Variants in SIK2 observed in about 807,000 individuals in gnomAD.
SIK2 encodes serine/threonine-protein kinase SIK2.
Under a neutral mutation model 103.2 loss-of-function variants are expected in SIK2, and 29 were observed. The ratio of observed to expected loss-of-function variants is 0.28; its 90% CI spans 0.21 to 0.38. The LOEUF (loss-of-function observed/expected upper bound fraction) is 0.38. SIK2 is among the 10% of genes least tolerant of loss of function. The pLI, the probability that SIK2 is intolerant of heterozygous loss-of-function variation, is 1.00. For synonymous variants in SIK2, 412 were observed against 446.1 expected, an observed-to-expected ratio of 0.92 and a Z score of 0.96; for missense variants, 879 against 1,171.0, an observed-to-expected ratio of 0.75 and a Z score of 3.64.
chr11:111,713,659 T>C (rs1417621724), intron 9 of SIK2, among the ~76,000 whole-genome samples: 1 of 152,162 alleles, frequency 6.6e-6, no homozygotes, highest in Non-Finnish European at 1.5e-5. Context: ...CGCCAGGTGC[T>C]GAATAAATTG....
At chr11:111,618,291 CT>C (rs1357092563) in intron 2 of SIK2, among the ~76,000 whole-genome samples, 2 of 152,136 alleles carry the variant, frequency 1.3e-5, no homozygotes, top group Non-Finnish European at 2.9e-5. Context: ...TGAAGCTTCA[CT>C]GTGTGGCCCG....
At chr11:111,703,621 G>A (rs1943269525) in intron 7 of SIK2, among the ~76,000 whole-genome samples, 198 bp downstream of exon 7, 3 of 152,160 alleles carry the variant, frequency 2.0e-5, no homozygotes, top group Admixed American at 2.0e-4. Flanking sequence ...GCCCCCATCT[G>A]CCAAAACATT....
At chr11:111,709,514 C>T (rs973646607) in intron 8 of SIK2, among the ~76,000 whole-genome samples, 2 of 152,218 alleles carry the variant, frequency 1.3e-5, no homozygotes, top group Admixed American at 1.3e-4. Flanking sequence ...AGATTCAAAG[C>T]ACTAAACATG....
intron 14 of SIK2, 67 bp from the exon 15 acceptor site, chr11:111,723,429 C>A: frequency 1.3e-6 from 2 of 1,484,560 alleles, no homozygotes; most frequent in East Asian, 2.3e-5. Flanking sequence ...ACTGGTATTG[C>A]ATTTACATTA....
intron 3 of SIK2, among the ~76,000 whole-genome samples, chr11:111,660,432 T>A (rs996253656): frequency 6.6e-6 from 1 of 152,248 alleles, no homozygotes; most frequent in Admixed American, 6.5e-5. Context: ...GTCAGGTGTG[T>A]ACCTGTGTAG....
chr11:111,689,847 A>G (rs1565357101), intron 4 of SIK2, among the ~76,000 whole-genome samples: 4 of 152,070 alleles, frequency 2.6e-5, no homozygotes, highest in South Asian at 4.1e-4. Context: ...TTAAATGTCA[A>G]TATTACATAT....
At chr11:111,674,290 T>A (rs986761223) in intron 3 of SIK2, among the ~76,000 whole-genome samples, 16 of 152,288 alleles carry the variant, frequency 1.1e-4, no homozygotes, top group African/African-American at 3.9e-4. Context: ...TTTATCTCCC[T>A]ATGTTTCTGG....
In SIK2 at chr11:111,688,046, G is replaced by T; in HGVS notation, c.362G>T (p.Arg121Leu). The change falls in exon 4 of 15, where the codon CGA becomes CTA. Residue 121 changes from arginine to leucine, a missense_variant. Arg to Leu is a moderately radical substitution (Grantham distance 102). Transcript: ENST00000304987. The surrounding 1 kb of genome is among the most constrained non-coding windows in gnomAD (Gnocchi z 4.2). ...HGRLNESEARRKFWQILSAVD... is the reference protein window; with the variant it reads ...HGRLNESEARLKFWQILSAVD... ...CGGTTAAATGAGTCTGAAGCCAGGC[G>T]AAAATTCTGGCAAATCCTGTCTGCT... 6.2e-7 allele frequency: 1 copy of T among 1,614,140 alleles called. No individual in the cohort carries two copies. Among genetic ancestry groups the T allele is most frequent in the Non-Finnish European group, 8.5e-7 (1 of 1,180,024 alleles).
In SIK2 at chr11:111,602,449, A is replaced by G. The variant is rs1304360204; in HGVS notation, c.-115A>G. On this transcript the variant is annotated 5_prime_UTR_variant, in exon 1 of 15. Transcript: ENST00000304987. The surrounding 1 kb of genome is among the most constrained non-coding windows in gnomAD (Gnocchi z 4.5). The stretch of plus-strand genomic sequence containing the variant: ...GGCTGGGCCCTGGGGAGCGGGAGGG[A>G]AGGAGCGAAGGAGCGAAGGAGCAAG... The G allele has an allele frequency of 2.7e-5, 30 of 1,096,988 alleles. No homozygotes were observed. The highest frequency in any genetic ancestry group is 4.4e-5 in the South Asian group (2 of 45,878). 68.0% of individuals were successfully genotyped at this position (1,096,988 alleles called of 1,614,324 possible).
chr11:111,698,263 G>A (rs1943125798), intron 4 of SIK2, among the ~76,000 whole-genome samples: 1 of 152,180 alleles, frequency 6.6e-6, no homozygotes, highest in African/African-American at 2.4e-5. Flanking sequence ...GGCTACCACG[G>A]GTCCAGAGAA....
At chr11:111,616,179 A>G in intron 1 of SIK2, 64 bp from the exon 2 acceptor site, 1 of 1,091,590 alleles carries the variant, frequency 9.2e-7, no homozygotes, top group Non-Finnish European at 1.4e-6. Context: ...TATTGACAGG[A>G]TTCTTAACTA....
chr11:111,672,294 G>T, intron 3 of SIK2: 1 of 414,388 alleles, frequency 2.4e-6, no homozygotes. Flanking sequence ...ACCAGGAGAA[G>T]CTCAAGGAGC....
chr11:111,694,845 A>C (rs1943032906), intron 4 of SIK2, among the ~76,000 whole-genome samples: 1 of 152,126 alleles, frequency 6.6e-6, no homozygotes, highest in South Asian at 2.1e-4. Flanking sequence ...ATTTAAGCTA[A>C]GGAAGATTAT....
intron 9 of SIK2, chr11:111,718,732 A>G (rs1484788102): frequency 2.6e-5 from 4 of 152,210 alleles, no homozygotes; most frequent in Non-Finnish European, 5.9e-5. Context: ...CTTCCAAAGG[A>G]AACAGTAGCT....
At chr11:111,627,906 C>T (rs1373269150) in intron 3 of SIK2, among the ~76,000 whole-genome samples, 1 of 152,196 alleles carries the variant, frequency 6.6e-6, no homozygotes, top group Non-Finnish European at 1.5e-5. Context: ...AAGCTTTCAA[C>T]ACTTCATGTC....
At chr11:111,651,755 A>G (rs1357449768) in intron 3 of SIK2, among the ~76,000 whole-genome samples, 1 of 152,236 alleles carries the variant, frequency 6.6e-6, no homozygotes, top group Non-Finnish European at 1.5e-5. Flanking sequence ...TTTAACAGAT[A>G]TGCATTGAAC....
intron 14 of SIK2, 59 bp from the exon 15 acceptor site, chr11:111,723,437 T>A: frequency 6.6e-7 from 1 of 1,514,264 alleles, no homozygotes; most frequent in Non-Finnish European, 8.9e-7. Context: ...TGCATTTACA[T>A]TAAAATTGCC....
Position 111,719,696 on chromosome 11 carries a change from G to T in SIK2, c.1267-79G>T, listed in dbSNP as rs975679921. On this transcript the variant is annotated intron_variant, in intron 9 of 14. Coordinates refer to ENST00000304987, the MANE Select transcript of SIK2 (RefSeq NM_015191.3). The stretch of plus-strand genomic sequence containing the variant: ...TTACTTAATTTCTAGTTCGCCACAA[G>T]TCTTGACATGTTTTCCTTTGTGGAT... The T allele has an allele frequency of 2.9e-6, 4 of 1,397,922 alleles. No homozygotes were observed. In the Admixed American group the frequency reaches 8.0e-5, roughly 28 times the overall value. 86.6% of individuals were successfully genotyped at this position (1,397,922 alleles called of 1,614,324 possible).
intron 2 of SIK2, among the ~76,000 whole-genome samples, chr11:111,617,855 T>TAC (rs1422176129): frequency 6.8e-6 from 1 of 147,332 alleles, no homozygotes; most frequent in East Asian, 2.1e-4. Flanking sequence ...TGTGTGTATA[T>TAC]ATATATACAC....
Sources: allele counts gnomAD v4.1 joint callset (sites outside exome capture counted in the v4.1 genomes callset), GRCh38; gene constraint gnomAD v4.1.1; non-coding constraint Gnocchi (gnomAD v3.1); transcripts MANE v1.5; gene names NCBI Gene and HGNC (gene_info 2026-07-23, HGNC 2026-07-21).